ZNF280A: variants seen among roughly 807,000 people sequenced by gnomAD.
ZNF280A encodes the protein zinc finger protein 280A.
Under a neutral mutation model 35.9 loss-of-function variants are expected in ZNF280A, and 26 were observed. The observed-to-expected ratio is 0.72, with a 90% CI of 0.53 to 1.01. ZNF280A has a LOEUF of 1.01. Among genes scored for constraint, ZNF280A ranks in the 50% least tolerant of loss-of-function variants. The probability of loss-of-function intolerance (pLI) is 0.00; values close to 1 mark genes in which losing one functional copy is unlikely to be tolerated. For missense variants in ZNF280A, 654 were observed against 652.0 expected, an observed-to-expected ratio of 1.00 and a Z score of -0.03; for synonymous variants, 231 against 232.9, an observed-to-expected ratio of 0.99 and a Z score of 0.07.
In ZNF280A at chr22:22,514,126, G is replaced by T; in HGVS notation, c.1505C>A (p.Ser502Ter). Residue 502 changes from serine (S) to a stop codon, truncating the protein, a stop_gained, in exon 2 of 2, where the codon TCA (serine) becomes TAA (stop). Transcript: ENST00000302097. LOFTEE classifies it high-confidence loss of function. ...AACAATAACGGAAGCCATACCACTT[G>T]ATCCTGGCTGAACTGAAGTTTGAAT... Reference protein sequence around the residue: ...VIIQTSVQPGSSGMASVIVSN... With the variant: ...VIIQTSVQPG The T allele has an allele frequency of 1.2e-6, 2 of 1,613,950 alleles. No homozygotes were observed. Among genetic ancestry groups the T allele is most frequent in the Non-Finnish European group, 1.7e-6 (2 of 1,179,988 alleles).
Position 22,514,313 on chromosome 22 carries a change from T to A in ZNF280A, c.1318A>T (p.Asn440Tyr), listed in dbSNP as rs368434670. 1 of 1,613,924 alleles carries A rather than the reference T, an allele frequency of 6.2e-7. No individual in the cohort carries two copies. Among genetic ancestry groups the A allele is most frequent in the Admixed American group, 1.7e-5 (1 of 59,988 alleles). ...CTTCTGCTGTGCCTCCAACAATGAT[T>A]CATGTATGGTATTGCAGTTTTGAAA... ...KLFKTAIPYMNHCWRHSRRRV... is the reference protein window; with the variant it reads ...KLFKTAIPYMYHCWRHSRRRV... Residue 440 changes from asparagine (N) to tyrosine (Y), a missense_variant, in exon 2 of 2, where the codon AAT becomes TAT. Asn to Tyr is a moderately radical substitution (Grantham distance 143). Coordinates refer to ENST00000302097, the MANE Select transcript of ZNF280A (RefSeq NM_080740.5).
intron 1 of ZNF280A, 85 bp from the exon 2 acceptor site, chr22:22,515,786 G>A: frequency 8.4e-7 from 1 of 1,190,742 alleles, no homozygotes; most frequent in Non-Finnish European, 1.1e-6. Flanking sequence ...AAAACACTGA[G>A]ATAACCATCA....
chr22:22,514,901 T>G lies in ZNF280A; in HGVS notation c.730A>C (p.Arg244=). The G allele has an allele frequency of 1.2e-6, 2 of 1,613,790 alleles. No individual in the cohort carries two copies. The highest frequency in any genetic ancestry group is 1.7e-6 in the Non-Finnish European group (2 of 1,179,880). Reference sequence around the variant, plus strand: ...ATTGCCAGGGCAGACTCACTTGCTCTCTCTGGATCTGTAAGATTGAAATGT... The same window carrying G: ...ATTGCCAGGGCAGACTCACTTGCTCGCTCTGGATCTGTAAGATTGAAATGT... ...KAHFNLTDPE[R]ASESALAMTD... The change falls in exon 2 of 2, where the codon AGA becomes CGA. Residue 244 remains arginine, a synonymous_variant. Coordinates refer to ENST00000302097, the MANE Select transcript of ZNF280A (RefSeq NM_080740.5).
At chr22:22,519,947 A>T (rs1218550740) in intron 1 of ZNF280A, 142 bp downstream of exon 1, 1 of 152,028 alleles carries the variant, frequency 6.6e-6, no homozygotes. Context: ...AGAAAGGAAT[A>T]CCCTGGATAA....
At position 22,513,870 on chromosome 22, in the gene ZNF280A, TGATGA is replaced by T; in HGVS notation, c.*127_*131del. On this transcript the variant is annotated 3_prime_UTR_variant, in exon 2 of 2. Transcript: ENST00000302097. ...GAGCTACTTCTTGACAATAGGGAGC[TGATGA>T]GATGTCACTGTAAAAAACAACCTGA... 1 of 639,526 alleles carries T rather than the reference TGATGA, an allele frequency of 1.6e-6. No homozygotes were observed. 39.6% of individuals were successfully genotyped at this position (639,526 alleles called of 1,614,324 possible).
chr22:22,515,740 GA>G (rs1459350924), intron 1 of ZNF280A, 39 bp from the exon 2 acceptor site: 3 of 1,469,198 alleles, frequency 2.0e-6, no homozygotes, highest in Non-Finnish European at 2.7e-6. Flanking sequence ...TATTTATTTC[GA>G]AAGACAAAAT....
At chr22:22,516,106 CA>C in intron 1 of ZNF280A, among the ~76,000 whole-genome samples, 1 of 151,692 alleles carries the variant, frequency 6.6e-6, no homozygotes, top group African/African-American at 2.4e-5. Flanking sequence ...CCCATCTCTA[CA>C]AAAAAATTTA....
In ZNF280A at chr22:22,515,325, C is replaced by A. The variant is rs361721; in HGVS notation, c.306G>T (p.Pro102=). ...TCGATCGCCCCTCAGACAGAGAAAC[C>A]GGCATGATGGCTTTTGCCATAGAGG... The part of the protein sequence containing the change: ...HVTSMAKAIM[P]VSLSEGRSTD... The change falls in exon 2 of 2, where the codon CCG becomes CCT. Residue 102 remains proline, a synonymous_variant. Coordinates refer to ENST00000302097, the MANE Select transcript of ZNF280A (RefSeq NM_080740.5). 2 of 1,613,462 alleles carry A rather than the reference C, an allele frequency of 1.2e-6. No homozygotes were observed. The highest frequency in any genetic ancestry group is 1.7e-5 in the Admixed American group (1 of 59,946).
chr22:22,517,305 G>A (rs1483365142), intron 1 of ZNF280A, among the ~76,000 whole-genome samples: 2 of 151,968 alleles, frequency 1.3e-5, no homozygotes, highest in South Asian at 2.1e-4. Flanking sequence ...TATGCCACAC[G>A]AGGGCAGGGA....
Position 22,514,483 on chromosome 22 carries a change from A to C in ZNF280A, c.1148T>G (p.Met383Arg). The C allele has an allele frequency of 1.9e-6, 3 of 1,613,926 alleles. No homozygotes were observed. Among genetic ancestry groups the C allele is most frequent in the Non-Finnish European group, 8.5e-7 (1 of 1,179,992 alleles). Residue 383 changes from methionine (M) to arginine (R), a missense_variant, in exon 2 of 2, where the codon ATG becomes AGG. By Grantham distance (91) the Met-to-Arg change is moderately conservative (BLOSUM62 -1). Coordinates refer to ENST00000302097, the MANE Select transcript of ZNF280A (RefSeq NM_080740.5). ...TTCGCCAGGCTTATGATGGTCCTTC[A>C]TGTGTTGTAAGAGGACCTGATCTGT... ...FETDQVLLQH[M>R]KDHHKPGEMP...
Position 22,514,789 on chromosome 22 carries a change from T to G in ZNF280A, c.842A>C (p.Tyr281Ser). The stretch of plus-strand genomic sequence containing the variant: ...CTGCCCATCTCCTTTATGCTGTCCA[T>G]AGTAAAAGTCGCTAAGTAACACGAT... ...NPIVLLSDFYYGQHKGDGQPE... is the reference protein window; with the variant it reads ...NPIVLLSDFYSGQHKGDGQPE... The change falls in exon 2 of 2, where the codon TAT becomes TCT. Residue 281 changes from tyrosine to serine, a missense_variant. Transcript: ENST00000302097. 2 of 1,613,952 alleles carry G rather than the reference T, an allele frequency of 1.2e-6. No homozygotes were observed. The highest frequency in any genetic ancestry group is 1.7e-6 in the Non-Finnish European group (2 of 1,179,986).
chr22:22,513,778 CCT>C lies in ZNF280A; in HGVS notation c.*222_*223del. 2.2e-6 allele frequency: 1 copy of C among 455,122 alleles called. No homozygotes were observed. The highest frequency in any genetic ancestry group is 3.4e-5 in the East Asian group (1 of 29,712). The allele number at this position is 455,122 out of a possible 1,614,324, so 28.2% of individuals were successfully genotyped here. On this transcript the variant is annotated 3_prime_UTR_variant, in exon 2 of 2. Coordinates refer to ENST00000302097, the MANE Select transcript of ZNF280A (RefSeq NM_080740.5). ...ATTTAAAGTTCATGAACAAGAAAAACCTCTGAGGTCAGAATAAGGGATGCCCT... is the reference window on the plus strand; with the variant it reads ...ATTTAAAGTTCATGAACAAGAAAAACCTGAGGTCAGAATAAGGGATGCCCT...
At position 22,514,550 on chromosome 22, in the gene ZNF280A, C is replaced by A. The variant is rs893626401; in HGVS notation, c.1081G>T (p.Gly361Trp). 10 of 1,613,788 alleles carry A rather than the reference C, an allele frequency of 6.2e-6. No homozygotes were observed. In the African/African-American group the frequency reaches 1.3e-4, roughly 22 times the overall value. ...CAGATTTTACAGACAGCAGAGGGCC[C>A]CATGGCGATGTGTACACTATCAATG... is the stretch of plus-strand genomic sequence containing the variant. ...CHIDSVHIAMGPSAVCKICEL... is the reference protein window; with the variant it reads ...CHIDSVHIAMWPSAVCKICEL... The change falls in exon 2 of 2, where the codon GGG becomes TGG. Residue 361 changes from glycine (G) to tryptophan (W), a missense_variant. Transcript: ENST00000302097.
In ZNF280A at chr22:22,514,262, G is replaced by A. The variant is rs774034285; in HGVS notation, c.1369C>T (p.Arg457Trp). Residue 457 changes from arginine (R) to tryptophan (W), a missense_variant, in exon 2 of 2, where the codon CGG becomes TGG. By Grantham distance (101) the Arg-to-Trp change is moderately radical. Transcript: ENST00000302097. ...RRRVLQCSKC[R>W]LQFLTLKEEI... ...TCCTTCAACGTCAAAAACTGTAGCC[G>A]GCACTTGGAACACTGAAGGACCCTC... is the stretch of plus-strand genomic sequence containing the variant. 29 of 1,613,710 alleles carry A rather than the reference G, an allele frequency of 1.8e-5. No homozygotes were observed. The highest frequency in any genetic ancestry group is 2.2e-5 in the South Asian group (2 of 91,066).
chr22:22,516,013 T>G (rs1417031783), intron 1 of ZNF280A, among the ~76,000 whole-genome samples: 1 of 151,826 alleles, frequency 6.6e-6, no homozygotes, highest in African/African-American at 2.4e-5. Flanking sequence ...AGGTACTCTC[T>G]CAGATGTCTA....
At chr22:22,515,982 C>T (rs893637735) in intron 1 of ZNF280A, among the ~76,000 whole-genome samples, 1 of 151,898 alleles carries the variant, frequency 6.6e-6, no homozygotes, top group Non-Finnish European at 1.5e-5. Flanking sequence ...AGATGCCTCA[C>T]TCACCTCCTC....
chr22:22,515,355 A>G lies in ZNF280A; in HGVS notation c.276T>C (p.His92=), dbSNP rs1569195062. ...TGATGGCTTTTGCCATAGAGGTCAC[A>G]TGATTTGCAGGCTGCGACACGTGAG... The part of the protein sequence containing the change: ...YPAHVSQPAN[H]VTSMAKAIMP... The change falls in exon 2 of 2, where the codon CAT becomes CAC. Residue 92 remains histidine (H), a synonymous_variant. Transcript: ENST00000302097. The G allele has an allele frequency of 1.9e-6, 3 of 1,613,862 alleles. No individual in the cohort carries two copies. Among genetic ancestry groups the G allele is most frequent in the African/African-American group, 2.7e-5 (2 of 74,982 alleles).
chr22:22,514,814 T>A lies in ZNF280A; in HGVS notation c.817A>T (p.Ile273Phe), dbSNP rs747684985. The A allele has an allele frequency of 2.4e-5, 38 of 1,613,948 alleles. No homozygotes were observed. In the East Asian group the frequency reaches 7.1e-4, roughly 30 times the overall value. The stretch of plus-strand genomic sequence containing the variant: ...TAGTAAAAGTCGCTAAGTAACACGA[T>A]GGGATTTTCTTTCTTGGGATCAAAG... Reference protein sequence around the residue: ...KTFDPKKENPIVLLSDFYYGQ... With the variant: ...KTFDPKKENPFVLLSDFYYGQ... Residue 273 changes from isoleucine to phenylalanine, a missense_variant, in exon 2 of 2, where the codon ATC becomes TTC. By Grantham distance (21) the Ile-to-Phe change is conservative. Transcript: ENST00000302097.
chr22:22,518,418 TA>T, intron 1 of ZNF280A, among the ~76,000 whole-genome samples: 2 of 152,036 alleles, frequency 1.3e-5, no homozygotes, highest in African/African-American at 4.8e-5. Flanking sequence ...CTTACATTTT[TA>T]AGGTATTGTT....
Sources: gnomAD v4.1 joint callset for allele counts (sites outside exome capture counted in the v4.1 genomes callset) on GRCh38, gnomAD v4.1.1 for gene constraint, MANE v1.5 for transcripts, NCBI Gene and HGNC (gene_info 2026-07-23, HGNC 2026-07-21) for gene names.